The following ROR1 variants were observed in gnomAD, a reference collection of about 807,000 sequenced individuals.
ROR1 encodes inactive tyrosine-protein kinase transmembrane receptor ROR1.
A neutral mutation model predicts 78.8 loss-of-function variants in ROR1; 19 were observed. That is an observed-to-expected ratio of 0.24 (90% CI 0.17 to 0.35). The LOEUF (loss-of-function observed/expected upper bound fraction) is 0.35. Ranked by LOEUF, ROR1 falls within the 10% of genes least tolerant of loss-of-function variation. The pLI is 1.00. For missense variants in ROR1, 917 were observed against 1,177.8 expected (o/e 0.78, Z 3.24); for synonymous variants, 386 against 433.6 (o/e 0.89, Z 1.36).
chr1:64,077,712 G>C (rs983564613), intron 4 of ROR1, among the ~76,000 whole-genome samples: 1 of 152,208 alleles, frequency 6.6e-6, no homozygotes, highest in Non-Finnish European at 1.5e-5. Context: ...GCAGCCTCAG[G>C]GAACATTCTG....
At chr1:63,983,343 T>C (rs556410063) in intron 1 of ROR1, among the ~76,000 whole-genome samples, 1 of 152,348 alleles carries the variant, frequency 6.6e-6, no homozygotes, top group Admixed American at 6.5e-5. Context: ...GCAAGTCCTC[T>C]GCCCTGGATC....
At chr1:64,162,368 G>A (rs1649970820) in intron 8 of ROR1, among the ~76,000 whole-genome samples, 1 of 152,332 alleles carries the variant, frequency 6.6e-6, no homozygotes, top group South Asian at 2.1e-4. Context: ...GGACAATAGG[G>A]AGCTGCCGAC....
At chr1:64,164,648 T>C (rs886317184) in intron 8 of ROR1, among the ~76,000 whole-genome samples, 1 of 152,158 alleles carries the variant, frequency 6.6e-6, no homozygotes, top group African/African-American at 2.4e-5. Context: ...GTTTGTTATG[T>C]AGGTAAACTT....
intron 1 of ROR1, among the ~76,000 whole-genome samples, chr1:63,863,033 G>A (rs895855948): frequency 3.3e-5 from 5 of 152,154 alleles, no homozygotes; most frequent in African/African-American, 1.2e-4. Flanking sequence ...AAAGTTAGAT[G>A]CTTGTCCAAT....
At chr1:63,850,883 G>A (rs1402934995) in intron 1 of ROR1, among the ~76,000 whole-genome samples, 1 of 152,142 alleles carries the variant, frequency 6.6e-6, no homozygotes, top group African/African-American at 2.4e-5. Flanking sequence ...ATTTACAGTA[G>A]GTTCATTGCA....
intron 7 of ROR1, among the ~76,000 whole-genome samples, chr1:64,150,609 A>G (rs1285986071): frequency 1.3e-5 from 2 of 152,244 alleles, no homozygotes; most frequent in Non-Finnish European, 2.9e-5. Flanking sequence ...AATAAAATTG[A>G]ACGTTACAGT....
At chr1:64,059,677 C>A (rs1646901705) in intron 4 of ROR1, among the ~76,000 whole-genome samples, 1 of 149,908 alleles carries the variant, frequency 6.7e-6, no homozygotes, top group Admixed American at 6.7e-5. Context: ...CCACTACATT[C>A]CAGCCTGGGT....
chr1:63,930,530 G>C (rs943327091), intron 1 of ROR1, among the ~76,000 whole-genome samples: 1 of 152,204 alleles, frequency 6.6e-6, no homozygotes, highest in African/African-American at 2.4e-5. Flanking sequence ...GGGTTGGCCA[G>C]TCTTCCAGCT....
chr1:63,876,077 T>C (rs1366319863), intron 1 of ROR1, among the ~76,000 whole-genome samples: 1 of 152,208 alleles, frequency 6.6e-6, no homozygotes, highest in Non-Finnish European at 1.5e-5. Context: ...AAAGTGAATG[T>C]AAGTTAAAGC....
chr1:64,071,960 C>T (rs566453170), intron 4 of ROR1, among the ~76,000 whole-genome samples: 5 of 152,256 alleles, frequency 3.3e-5, no homozygotes, highest in Admixed American at 6.5e-5. Flanking sequence ...CTCCCGCCAC[C>T]GTGGTGCTTC....
Position 64,072,075 on chromosome 1 carries a change from C to T in ROR1, c.482+21359C>T, listed in dbSNP as rs141935816. Among the ~76,000 whole-genome samples, 389 of 152,244 alleles carry T rather than the reference C, an allele frequency of 2.6e-3. 1 individual carries two copies. Among genetic ancestry groups the T allele is most frequent in the East Asian group, 7.5e-3 (39 of 5,172 alleles). On this transcript the variant is annotated intron_variant, in intron 4 of 8. Coordinates refer to ENST00000371079, the MANE Select transcript of ROR1 (RefSeq NM_005012.4). ...TAATATCTAAACACTGAATGAGCAA[C>T]GGAAAACACCAGTGCTTCTTGTCTT...
intron 1 of ROR1, among the ~76,000 whole-genome samples, chr1:63,795,370 T>C (rs1644754213): frequency 6.6e-6 from 1 of 152,186 alleles, no homozygotes. Context: ...CAACCAGTGG[T>C]AGAATAGAAT....
chr1:64,023,855 T>C (rs1646585683), intron 2 of ROR1, among the ~76,000 whole-genome samples: 1 of 152,202 alleles, frequency 6.6e-6, no homozygotes, highest in African/African-American at 2.4e-5. Flanking sequence ...AAATCTTATC[T>C]TGAATTGTAA....
chr1:63,820,220 T>C (rs796467605), intron 1 of ROR1, among the ~76,000 whole-genome samples: 2 of 152,110 alleles, frequency 1.3e-5, no homozygotes, highest in South Asian at 4.1e-4. Flanking sequence ...ATTGTAATGT[T>C]TTAGTGATCT....
chr1:64,140,003 C>A (rs150108439), intron 5 of ROR1, 106 bp from the exon 6 acceptor site: 3 of 1,027,264 alleles, frequency 2.9e-6, no homozygotes, highest in African/African-American at 3.2e-5. Context: ...TGTTTCAGCA[C>A]GGCGGATTCC....
intron 1 of ROR1, among the ~76,000 whole-genome samples, chr1:63,965,456 T>C (rs1646066305): frequency 6.6e-6 from 1 of 152,178 alleles, no homozygotes; most frequent in Non-Finnish European, 1.5e-5. Context: ...TCCCCAGACA[T>C]TACATTTGCT....
intron 1 of ROR1, among the ~76,000 whole-genome samples, chr1:63,842,351 A>C (rs1645054273): frequency 6.6e-6 from 1 of 152,222 alleles, no homozygotes; most frequent in Non-Finnish European, 1.5e-5. Flanking sequence ...GAGTATCAAC[A>C]TATTTATTCA....
At chr1:64,130,598 T>A (rs952688946) in intron 4 of ROR1, among the ~76,000 whole-genome samples, 1 of 152,122 alleles carries the variant, frequency 6.6e-6, no homozygotes, top group African/African-American at 2.4e-5. Flanking sequence ...ATTTAAGTGA[T>A]GCCCCCTCCT....
At position 63,987,044 on chromosome 1, in the gene ROR1, T is replaced by G. The variant is rs576156751; in HGVS notation, c.92-22261T>G. ...TCAACTTTAGGTCTTAAATTTTGGGTTTTTTGCCTCAATTACCCAGAATCC... is the reference window on the plus strand; with the variant it reads ...TCAACTTTAGGTCTTAAATTTTGGGGTTTTTGCCTCAATTACCCAGAATCC... On this transcript the variant is annotated intron_variant, in intron 1 of 8. Coordinates refer to ENST00000371079, the MANE Select transcript of ROR1 (RefSeq NM_005012.4). Among the ~76,000 whole-genome samples, 4 of 152,202 alleles carry G rather than the reference T, an allele frequency of 2.6e-5. No individual in the cohort carries two copies. In the East Asian group the frequency reaches 5.8e-4, roughly 22 times the overall value.
Sources: gnomAD v4.1 joint callset for allele counts (sites outside exome capture counted in the v4.1 genomes callset) on GRCh38, gnomAD v4.1.1 for gene constraint, MANE v1.5 for transcripts, NCBI Gene and HGNC (gene_info 2026-07-23, HGNC 2026-07-21) for gene names.